The following PALS2 variants were observed in gnomAD, a reference collection of about 807,000 sequenced individuals.
The protein encoded by PALS2 is protein associated with LIN7 2, MAGUK p55 family member, also known as protein PALS2.
PALS2 carries 27 observed loss-of-function variants against 61.6 expected under a neutral mutation model. The observed-to-expected ratio is 0.44, with a 90% CI of 0.32 to 0.60. The LOEUF (loss-of-function observed/expected upper bound fraction) is 0.60. Ranked by LOEUF, PALS2 falls within the 20% of genes least tolerant of loss-of-function variation. The pLI is 0.05. For synonymous variants in PALS2, 236 were observed against 218.6 expected, an observed-to-expected ratio of 1.08 and a Z score of -0.70; for missense variants, 554 against 639.4, an observed-to-expected ratio of 0.87 and a Z score of 1.44.
intron 1 of PALS2, among the ~76,000 whole-genome samples, chr7:24,589,565 T>C (rs1451583120): frequency 2.6e-5 from 4 of 152,186 alleles, no homozygotes; most frequent in Non-Finnish European, 5.9e-5. Context: ...TTTCTGAGTG[T>C]AGAAATTTCA....
At chr7:24,670,831 G>C (rs933831864) in intron 9 of PALS2, among the ~76,000 whole-genome samples, 4 of 152,120 alleles carry the variant, frequency 2.6e-5, no homozygotes, top group Non-Finnish European at 4.4e-5. Context: ...TAACATGTCA[G>C]ATCTCATCTG....
intron 11 of PALS2, among the ~76,000 whole-genome samples, chr7:24,686,395 A>G (rs183189855): frequency 1.7e-4 from 25 of 151,172 alleles, no homozygotes; most frequent in East Asian, 3.9e-4. Context: ...TTGTTTCCCA[A>G]CCCTTCACCC....
At chr7:24,578,242 C>T (rs182421617) in intron 1 of PALS2, among the ~76,000 whole-genome samples, 2 of 152,326 alleles carry the variant, frequency 1.3e-5, no homozygotes, top group East Asian at 3.9e-4. Flanking sequence ...TGAACCACCA[C>T]ACCCTGCTGA....
intron 9 of PALS2, among the ~76,000 whole-genome samples, chr7:24,677,379 A>G (rs1354702873): frequency 3.9e-5 from 6 of 151,994 alleles, no homozygotes; most frequent in Non-Finnish European, 2.9e-5. Flanking sequence ...CTCTTGCCTA[A>G]TTGCCCTGGC....
chr7:24,653,192 A>C (rs1451975384), intron 5 of PALS2, among the ~76,000 whole-genome samples: 1 of 152,198 alleles, frequency 6.6e-6, no homozygotes, highest in Non-Finnish European at 1.5e-5. Context: ...TATATAACAA[A>C]GATGATACAA....
intron 1 of PALS2, among the ~76,000 whole-genome samples, chr7:24,601,559 C>G (rs1028918628): frequency 1.3e-5 from 2 of 152,044 alleles, no homozygotes; most frequent in African/African-American, 4.8e-5. Context: ...CTTCTAGATC[C>G]TGTATTCTCT....
At chr7:24,640,867 G>A (rs1187237292) in intron 2 of PALS2, among the ~76,000 whole-genome samples, 3 of 151,920 alleles carry the variant, frequency 2.0e-5, no homozygotes, top group Non-Finnish European at 4.4e-5. Flanking sequence ...AATTAGCCAG[G>A]CTTGGTGGCG....
chr7:24,607,474 C>G (rs1361288656), intron 1 of PALS2, among the ~76,000 whole-genome samples: 1 of 151,620 alleles, frequency 6.6e-6, no homozygotes, highest in Non-Finnish European at 1.5e-5. Flanking sequence ...CTCTCTCTCT[C>G]TCTCTCTGAA....
At chr7:24,641,968 G>A (rs1785580762) in intron 3 of PALS2, 100 bp downstream of exon 3, 16 of 1,293,066 alleles carry the variant, frequency 1.2e-5, no homozygotes, top group Non-Finnish European at 1.6e-5. Context: ...AGATTATTTA[G>A]GGCTATAATA....
chr7:24,665,734 C>G (rs767415567), intron 7 of PALS2, 47 bp downstream of exon 7: 26 of 1,507,606 alleles, frequency 1.7e-5, no homozygotes, highest in Non-Finnish European at 2.4e-5. Context: ...TTGTGACCAC[C>G]TTTCTTTGTC....
chr7:24,661,489 A>G (rs1393560788), intron 5 of PALS2, among the ~76,000 whole-genome samples: 1 of 152,190 alleles, frequency 6.6e-6, no homozygotes, highest in East Asian at 1.9e-4. Flanking sequence ...TATGGTTACA[A>G]AATATATTCT....
At chr7:24,653,701 T>A (rs1326235450) in intron 5 of PALS2, among the ~76,000 whole-genome samples, 1 of 152,196 alleles carries the variant, frequency 6.6e-6, no homozygotes, top group Non-Finnish European at 1.5e-5. Context: ...ATCTTCAGTT[T>A]TCCTGAAAGA....
Position 24,665,665 on chromosome 7 carries a change from TAGAAG to T in PALS2, c.865_869del (p.Arg289LeufsTer13), listed in dbSNP as rs1786977742. ...TGGAAGAGAAGAGAAAGGCATTTGT[TAGAAG>T]AGACTGGGACAATTCAGGTGATGAG... On this transcript the variant is annotated frameshift_variant, in exon 7 of 12. Coordinates refer to ENST00000222644, the MANE Select transcript of PALS2 (RefSeq NM_001303037.2). LOFTEE classifies it high-confidence loss of function. 1.2e-6 allele frequency: 2 copies of T among 1,613,718 alleles called. No individual in the cohort carries two copies. Among genetic ancestry groups the T allele is most frequent in the South Asian group, 1.1e-5 (1 of 91,062 alleles).
At position 24,668,549 on chromosome 7, in the gene PALS2, C is replaced by G; in HGVS notation, c.1003C>G (p.Pro335Ala). 6.2e-7 allele frequency: 1 copy of G among 1,613,630 alleles called. No homozygotes were observed. Among genetic ancestry groups the G allele is most frequent in the Non-Finnish European group, 8.5e-7 (1 of 1,179,698 alleles). Residue 335 changes from proline (P) to alanine (A), a missense_variant, in exon 9 of 12, where the codon CCC (proline) becomes GCC (alanine). Physicochemically the swap from Pro to Ala is conservative, Grantham distance 27. Transcript: ENST00000222644. ...ATATGAGGAGGTAGCCAAAATGCCT[C>G]CCTTCCAGAGAAAAACATTAGTATT... ...QIYEEVAKMP[P>A]FQRKTLVLIG...
chr7:24,584,680 G>A (rs528365428), intron 1 of PALS2, among the ~76,000 whole-genome samples: 6,441 of 151,588 alleles, frequency 0.042, 151 homozygotes, highest in African/African-American at 0.06. Flanking sequence ...GATCCCATTT[G>A]TCAATTTTGT....
At chr7:24,614,750 C>G (rs1054235144) in intron 1 of PALS2, among the ~76,000 whole-genome samples, 3 of 151,908 alleles carry the variant, frequency 2.0e-5, no homozygotes, top group Non-Finnish European at 4.4e-5. Flanking sequence ...CAGACATTTA[C>G]AGAACATTTC....
chr7:24,628,904 G>A (rs1052271701), intron 2 of PALS2, among the ~76,000 whole-genome samples: 1 of 152,174 alleles, frequency 6.6e-6, no homozygotes. Context: ...TCATGAAAAT[G>A]GTGATACTGC....
chr7:24,683,108 G>C (rs1788018345), intron 11 of PALS2, among the ~76,000 whole-genome samples: 1 of 152,070 alleles, frequency 6.6e-6, no homozygotes, highest in Admixed American at 6.6e-5. Context: ...TTTACCTACT[G>C]GTTTTAGCAA....
intron 5 of PALS2, among the ~76,000 whole-genome samples, chr7:24,655,721 C>T (rs963484648): frequency 2.7e-5 from 4 of 146,746 alleles, no homozygotes; most frequent in South Asian, 4.4e-4. Flanking sequence ...ACTGCAGCAG[C>T]GTGATCTTGG....
Sources: gnomAD v4.1 joint callset for allele counts (sites outside exome capture counted in the v4.1 genomes callset) on GRCh38, gnomAD v4.1.1 for gene constraint, MANE v1.5 for transcripts, NCBI Gene and HGNC (gene_info 2026-07-23, HGNC 2026-07-21) for gene names.